MAPK4: variants seen among roughly 807,000 people sequenced by gnomAD.
MAPK4 encodes Erk3-related.
A neutral mutation model predicts 47.7 loss-of-function variants in MAPK4; 22 were observed. The ratio of observed to expected loss-of-function variants is 0.46; its 90% CI spans 0.33 to 0.66. MAPK4 has a LOEUF of 0.66. Ranked by LOEUF, MAPK4 falls within the 30% of genes least tolerant of loss-of-function variation. MAPK4 has a pLI of 0.02. For missense variants in MAPK4, 736 were observed against 831.7 expected (o/e 0.88, Z 1.42); for synonymous variants, 390 against 365.7 (o/e 1.07, Z -0.76).
Position 50,611,112 on chromosome 18 carries a change from C to A in MAPK4, c.-871+50869C>A, listed in dbSNP as rs143463746. On this transcript the variant is annotated intron_variant, in intron 1 of 5. Coordinates refer to ENST00000400384, the MANE Select transcript of MAPK4 (RefSeq NM_002747.4). The stretch of plus-strand genomic sequence containing the variant: ...TCTTACATGAGTGACATGAACCCAA[C>A]AAGCAAAGAGCAGGTTCTCGCTTAC... 6.6e-5 allele frequency among the ~76,000 whole-genome samples: 10 copies of A among 152,272 alleles called. No individual in the cohort carries two copies. The East Asian group carries it at 1.9e-3, about 29-fold the overall frequency.
At chr18:50,699,446 A>C (rs1285045411) in intron 2 of MAPK4, among the ~76,000 whole-genome samples, 1 of 152,260 alleles carries the variant, frequency 6.6e-6, no homozygotes, top group East Asian at 1.9e-4. Context: ...AATAAAACTC[A>C]ACCAAATTAG....
rs940769562 is a variant in MAPK4 at position 50,678,812 on chromosome 18, AG to A, written c.546+14313del. ...GTTTTCTGGGTGAAGGCAGCAGGAA[AG>A]GGGGAGCCATTCCTTGCCCTCCCTT... On this transcript the variant is annotated intron_variant, in intron 2 of 5. Transcript: ENST00000400384. The surrounding 1 kb of genome is among the most constrained non-coding windows in gnomAD (Gnocchi z 4.2). Among the ~76,000 whole-genome samples, 32 of 152,166 alleles carry A rather than the reference AG, an allele frequency of 2.1e-4. No homozygotes were observed. The highest frequency in any genetic ancestry group is 7.5e-4 in the African/African-American group (31 of 41,424).
At chr18:50,706,874 A>G (rs1311034242) in intron 2 of MAPK4, among the ~76,000 whole-genome samples, 1 of 152,206 alleles carries the variant, frequency 6.6e-6, no homozygotes, top group Non-Finnish European at 1.5e-5. Context: ...GTCCTGGTAC[A>G]TCACTGAACA....
chr18:50,605,730 C>T (rs1480537872), intron 1 of MAPK4, among the ~76,000 whole-genome samples: 2 of 152,180 alleles, frequency 1.3e-5, no homozygotes, highest in African/African-American at 2.4e-5. Context: ...ATGGCCCAGC[C>T]TCCTTCCGGG....
rs191395253 is a variant in MAPK4, at chr18:50,722,909, C to T, written c.853+810C>T. 1.1e-4 allele frequency among the ~76,000 whole-genome samples: 16 copies of T among 152,220 alleles called. No individual in the cohort carries two copies. The East Asian group carries it at 3.1e-3, about 29-fold the overall frequency. ...CCAGAACCCCTGGGGCTCTGAGCAG[C>T]TCAGTTTGGAATCCACTGGGCCAGA... On this transcript the variant is annotated intron_variant, in intron 4 of 5. Coordinates refer to ENST00000400384, the MANE Select transcript of MAPK4 (RefSeq NM_002747.4).
rs372180022 is a variant in MAPK4, at chr18:50,606,534, C to A, written c.-871+46291C>A. 4.6e-5 allele frequency among the ~76,000 whole-genome samples: 7 copies of A among 152,252 alleles called. No individual in the cohort carries two copies. The East Asian group carries it at 1.4e-3, about 29-fold the overall frequency. On this transcript the variant is annotated intron_variant, in intron 1 of 5. Coordinates refer to ENST00000400384, the MANE Select transcript of MAPK4 (RefSeq NM_002747.4). ...TAACGGTGGTCTTCAGTGCTATCTA[C>A]CAAATATTTCTAATTTTCTGCCTTC...
chr18:50,635,806 C>G (rs1398036342), intron 1 of MAPK4, among the ~76,000 whole-genome samples: 1 of 152,092 alleles, frequency 6.6e-6, no homozygotes, highest in African/African-American at 2.4e-5. Flanking sequence ...TCATAAGGTC[C>G]CTATGGCTTG....
intron 1 of MAPK4, among the ~76,000 whole-genome samples, chr18:50,647,939 C>T (rs1300232864): frequency 6.6e-6 from 1 of 152,176 alleles, no homozygotes; most frequent in Non-Finnish European, 1.5e-5. Flanking sequence ...TCTCAAGTCC[C>T]TAGGCCCATT....
At chr18:50,673,706 A>C (rs1021422453) in intron 2 of MAPK4, among the ~76,000 whole-genome samples, 4 of 152,094 alleles carry the variant, frequency 2.6e-5, no homozygotes, top group Non-Finnish European at 5.9e-5. Context: ...AATACAAAAA[A>C]TTAGCTGGGC....
Position 50,729,393 on chromosome 18 carries a change from C to A in MAPK4, c.1303C>A (p.Pro435Thr). ...GRSCDYKVGSPSYLDKLLWRD... is the reference protein window; with the variant it reads ...GRSCDYKVGSTSYLDKLLWRD... Reference sequence around the variant, plus strand: ...CTCCTGCGACTACAAGGTGGGGTCGCCGTCCTACCTGGACAAGCTGCTGTG... The same window carrying A: ...CTCCTGCGACTACAAGGTGGGGTCGACGTCCTACCTGGACAAGCTGCTGTG... The change falls in exon 6 of 6, where the codon CCG becomes ACG. Residue 435 changes from proline (P) to threonine (T), a missense_variant. Pro to Thr is a conservative substitution (Grantham distance 38, BLOSUM62 -1). Around this residue, in one of 3 missense-constraint regions of MAPK4, gnomAD observed 377 missense variants for 378.6 expected, o/e 1.00. Transcript: ENST00000400384. 6.4e-7 allele frequency: 1 copy of A among 1,564,836 alleles called. No homozygotes were observed. The highest frequency in any genetic ancestry group is 8.6e-7 in the Non-Finnish European group (1 of 1,158,058).
chr18:50,652,545 C>T (rs1461891519), intron 1 of MAPK4, among the ~76,000 whole-genome samples: 2 of 151,908 alleles, frequency 1.3e-5, no homozygotes, highest in Non-Finnish European at 2.9e-5. Context: ...TGGTATCCCT[C>T]GGTGGGTAGA....
At chr18:50,638,103 C>T (rs2042903932) in intron 1 of MAPK4, among the ~76,000 whole-genome samples, 1 of 152,202 alleles carries the variant, frequency 6.6e-6, no homozygotes, top group Non-Finnish European at 1.5e-5. Flanking sequence ...CTGGTTCTAA[C>T]TTCATATCCA....
At chr18:50,725,927 C>T in intron 4 of MAPK4, 35 bp from the exon 5 acceptor site, 2 of 1,559,854 alleles carry the variant, frequency 1.3e-6, no homozygotes, top group South Asian at 1.1e-5. Context: ...ACAAGGGCAA[C>T]AAATGACCTT....
chr18:50,684,320 G>A (rs1234898990), intron 2 of MAPK4, among the ~76,000 whole-genome samples: 1 of 152,098 alleles, frequency 6.6e-6, no homozygotes, highest in African/African-American at 2.4e-5. Context: ...TGAGGTGGGA[G>A]GATTGCTTGA....
At chr18:50,724,900 G>A (rs547677749) in intron 4 of MAPK4, among the ~76,000 whole-genome samples, 3 of 152,244 alleles carry the variant, frequency 2.0e-5, no homozygotes, top group East Asian at 3.9e-4. Context: ...TGATTTAAGC[G>A]GACCTCCAGA....
At chr18:50,607,622 G>A (rs1281447142) in intron 1 of MAPK4, among the ~76,000 whole-genome samples, 1 of 152,178 alleles carries the variant, frequency 6.6e-6, no homozygotes, top group Non-Finnish European at 1.5e-5. Context: ...CAGTTCTGAC[G>A]CACACAGTAA....
intron 1 of MAPK4, among the ~76,000 whole-genome samples, chr18:50,608,700 C>CTT (rs148009772): frequency 6.6e-6 from 1 of 151,556 alleles, no homozygotes; most frequent in Non-Finnish European, 1.5e-5. Context: ...GATATGTCTT[C>CTT]TTTTTTTTAT....
intron 3 of MAPK4, among the ~76,000 whole-genome samples, 157 bp downstream of exon 3, chr18:50,715,380 T>C (rs2144439248): frequency 6.6e-6 from 1 of 152,346 alleles, no homozygotes; most frequent in East Asian, 1.9e-4. Flanking sequence ...CTTATTATAT[T>C]GTCAGGCAAA....
chr18:50,666,363 A>C (rs1598887139), intron 2 of MAPK4, among the ~76,000 whole-genome samples: 2 of 152,224 alleles, frequency 1.3e-5, no homozygotes, highest in South Asian at 4.1e-4. Context: ...GACAGGGATA[A>C]TAATTGTGCT....
Sources: allele counts gnomAD v4.1 joint callset (sites outside exome capture counted in the v4.1 genomes callset), GRCh38; gene constraint gnomAD v4.1.1; regional missense constraint gnomAD v4.1.1; non-coding constraint Gnocchi (gnomAD v3.1); transcripts MANE v1.5; gene names NCBI Gene and HGNC (gene_info 2026-07-23, HGNC 2026-07-21).